CAMK4: variants seen among roughly 807,000 people sequenced by gnomAD.
CAMK4 encodes calcium/calmodulin dependent protein kinase IV.
In CAMK4, 22 loss-of-function variants were observed where a neutral mutation model predicts 44.9. The ratio of observed to expected loss-of-function variants is 0.49; its 90% confidence interval spans 0.35 to 0.70. CAMK4 has a LOEUF of 0.70. CAMK4 is among the 30% of genes least tolerant of loss of function. The probability of loss-of-function intolerance (pLI) is 0.01; values close to 1 mark genes in which losing one functional copy is unlikely to be tolerated. For missense variants in CAMK4, 498 were observed against 586.8 expected (o/e 0.85, Z 1.56); for synonymous variants, 218 against 215.4 (o/e 1.01, Z -0.11).
intron 5 of CAMK4, among the ~76,000 whole-genome samples, chr5:111,403,655 C>T (rs146873936): frequency 9.9e-4 from 150 of 151,980 alleles, no homozygotes; most frequent in African/African-American, 3.6e-3. Flanking sequence ...GACTAGGGGC[C>T]CAATCAGAGC....
rs150685951 is a variant in CAMK4 at position 111,337,281 on chromosome 5, C to A, written c.162-6743C>A. Among the ~76,000 whole-genome samples, 506 of 151,278 alleles carry A rather than the reference C, an allele frequency of 3.3e-3. 3 individuals carry two copies. Among genetic ancestry groups the A allele is most frequent in the African/African-American group, 0.012 (492 of 41,442 alleles). On this transcript the variant is annotated intron_variant, in intron 1 of 10. Transcript: ENST00000282356. Reference sequence around the variant, plus strand: ...TGAGGGATAGTGAAACTGTTTCTAGCTTTTGGTGATTACTCATAAACCTGC... The same window carrying A: ...TGAGGGATAGTGAAACTGTTTCTAGATTTTGGTGATTACTCATAAACCTGC...
At chr5:111,434,163 T>G (rs1753561141) in intron 5 of CAMK4, among the ~76,000 whole-genome samples, 2 of 151,880 alleles carry the variant, frequency 1.3e-5, no homozygotes, top group South Asian at 2.1e-4. Context: ...CATGGTGGCG[T>G]GCTCCTGTAG....
chr5:111,482,593 A>G lies in CAMK4; in HGVS notation c.829-192A>G, dbSNP rs1755470401. The G allele has an allele frequency of 2.4e-6, 1 of 421,740 alleles. No individual in the cohort carries two copies. Among genetic ancestry groups the G allele is most frequent in the Non-Finnish European group, 4.2e-6 (1 of 239,988 alleles). The allele number at this position is 421,740 out of a possible 1,614,324, so 26.1% of individuals were successfully genotyped here. A position where few individuals can be genotyped will look rare whatever the true frequency, so the allele number is the denominator to read the frequency against. ...AGGTGGTACATGGCCCTGTCTTCTC[A>G]TACTCCCTCAGCTACTGCTACCTGA... On this transcript the variant is annotated intron_variant, in intron 9 of 10. Transcript: ENST00000282356. This position sits in a 1 kb window ranked among gnomAD's most constrained non-coding sequence, Gnocchi z 4.9.
chr5:111,262,016 A>C (rs1035293910), intron 1 of CAMK4, among the ~76,000 whole-genome samples: 6 of 152,028 alleles, frequency 3.9e-5, no homozygotes, highest in African/African-American at 1.4e-4. Context: ...TTGAGGTCTT[A>C]GGTCTGCAGA....
At chr5:111,295,226 T>C (rs913473633) in intron 1 of CAMK4, among the ~76,000 whole-genome samples, 2 of 152,184 alleles carry the variant, frequency 1.3e-5, no homozygotes, top group Non-Finnish European at 2.9e-5. Context: ...TGCAGAGGAA[T>C]AAACAGTGTA....
intron 5 of CAMK4, among the ~76,000 whole-genome samples, chr5:111,398,132 C>G (rs1294070814): frequency 6.6e-6 from 1 of 152,210 alleles, no homozygotes; most frequent in Admixed American, 6.5e-5. Flanking sequence ...CCAATAGTCT[C>G]TACTTCTTAG....
chr5:111,486,868 C>G lies in CAMK4; in HGVS notation c.*2402C>G, dbSNP rs978826400. On this transcript the variant is annotated 3_prime_UTR_variant, in exon 11 of 11. Transcript: ENST00000282356. The stretch of plus-strand genomic sequence containing the variant: ...CCATAAACTACATTTTTAAAAAAAT[C>G]AATGGGAGTTTTAAATTTTGACTCA... 1 of 151,982 alleles carries G rather than the reference C, an allele frequency of 6.6e-6. No homozygotes were observed. Among genetic ancestry groups the G allele is most frequent in the African/African-American group, 2.4e-5 (1 of 41,408 alleles). 9.4% of individuals were successfully genotyped at this position (151,982 alleles called of 1,614,324 possible).
rs1421496345 is a variant in CAMK4 at position 111,489,725 on chromosome 5, CTCT to C, written c.*5263_*5265del. 1 of 152,198 alleles carries C rather than the reference CTCT, an allele frequency of 6.6e-6. No homozygotes were observed. The highest frequency in any genetic ancestry group is 2.4e-5 in the African/African-American group (1 of 41,450). The allele number at this position is 152,198 out of a possible 1,614,324, so 9.4% of individuals were successfully genotyped here. A position where few individuals can be genotyped will look rare whatever the true frequency, so the allele number is the denominator to read the frequency against. Reference sequence around the variant, plus strand: ...TCAAATGAGGCAAGTGGGAGAAAACCTCTTCTCATCCTCTGATTGAAAGTGATA... The same window carrying C: ...TCAAATGAGGCAAGTGGGAGAAAACCTCTCATCCTCTGATTGAAAGTGATA... On this transcript the variant is annotated 3_prime_UTR_variant, in exon 11 of 11. Transcript: ENST00000282356.
At chr5:111,395,530 T>C (rs183363391) in intron 5 of CAMK4, among the ~76,000 whole-genome samples, 113 of 152,196 alleles carry the variant, frequency 7.4e-4, no homozygotes, top group African/African-American at 2.6e-3. Context: ...ATTATTGACT[T>C]TTCTTTCCAG....
chr5:111,288,803 A>C (rs1580535189), intron 1 of CAMK4, among the ~76,000 whole-genome samples: 1 of 152,220 alleles, frequency 6.6e-6, no homozygotes, highest in African/African-American at 2.4e-5. Flanking sequence ...ATGGTGCATT[A>C]CTGATCAAGC....
chr5:111,418,116 C>T (rs761683773), intron 5 of CAMK4, among the ~76,000 whole-genome samples: 3 of 151,940 alleles, frequency 2.0e-5, no homozygotes, highest in African/African-American at 7.3e-5. Context: ...TTTCCTTAAG[C>T]GTTGGCCAGC....
intron 5 of CAMK4, among the ~76,000 whole-genome samples, chr5:111,436,679 C>G (rs958926830): frequency 2.0e-5 from 3 of 152,124 alleles, no homozygotes; most frequent in Non-Finnish European, 2.9e-5. Context: ...TTGAACTTGC[C>G]CACTTCTCCC....
intron 5 of CAMK4, among the ~76,000 whole-genome samples, chr5:111,444,933 C>T (rs1299688313): frequency 1.3e-5 from 2 of 152,142 alleles, no homozygotes; most frequent in Non-Finnish European, 2.9e-5. Context: ...CACTCCAGCT[C>T]AGCAAAAGTT....
intron 5 of CAMK4, among the ~76,000 whole-genome samples, chr5:111,436,547 C>G (rs1753653983): frequency 6.6e-6 from 1 of 152,146 alleles, no homozygotes; most frequent in Non-Finnish European, 1.5e-5. Flanking sequence ...TGGGCCATAC[C>G]CAAATCCTAA....
intron 2 of CAMK4, among the ~76,000 whole-genome samples, chr5:111,371,944 T>C (rs1580665705): frequency 6.6e-6 from 1 of 152,198 alleles, no homozygotes; most frequent in South Asian, 2.1e-4. Context: ...GGTACAAAAC[T>C]AGGTAGCCTG....
chr5:111,227,151 T>G (rs1748230492), intron 1 of CAMK4, among the ~76,000 whole-genome samples: 1 of 152,192 alleles, frequency 6.6e-6, no homozygotes, highest in South Asian at 2.1e-4. Context: ...TATCAGAAAT[T>G]TTTAAGTAAA....
intron 6 of CAMK4, 49 bp downstream of exon 6, chr5:111,446,825 A>AC (rs1179297722): frequency 8.8e-7 from 1 of 1,132,136 alleles, no homozygotes; most frequent in Non-Finnish European, 1.4e-6. Flanking sequence ...AGAGCAGAAA[A>AC]AATTTTACTG....
chr5:111,484,190 G>A lies in CAMK4; in HGVS notation c.1146G>A (p.Gly382=), dbSNP rs762985081. 1 of 1,614,118 alleles carries A rather than the reference G, an allele frequency of 6.2e-7. No homozygotes were observed. The highest frequency in any genetic ancestry group is 2.2e-5 in the East Asian group (1 of 44,886). ...IPEGEKIQGD[G]AQAAVKGAQA... is the part of the protein sequence containing the mutation. ...AAGGAGAGAAAATTCAAGGCGATGGGGCCCAAGCCGCAGTTAAGGGGGCAC... is the reference window on the plus strand; with the variant it reads ...AAGGAGAGAAAATTCAAGGCGATGGAGCCCAAGCCGCAGTTAAGGGGGCAC... Residue 382 remains glycine (G), a synonymous_variant, in exon 11 of 11, where the codon GGG becomes GGA. Coordinates refer to ENST00000282356, the MANE Select transcript of CAMK4 (RefSeq NM_001744.6). The surrounding 1 kb of genome is among the most constrained non-coding windows in gnomAD (Gnocchi z 5.3).
At chr5:111,400,645 T>G (rs563328344) in intron 5 of CAMK4, among the ~76,000 whole-genome samples, 2 of 152,334 alleles carry the variant, frequency 1.3e-5, no homozygotes, top group East Asian at 3.9e-4. Context: ...TTTCTGGCTT[T>G]AAATAGCTTT....
Sources: allele counts gnomAD v4.1 joint callset (sites outside exome capture counted in the v4.1 genomes callset), GRCh38; gene constraint gnomAD v4.1.1; non-coding constraint Gnocchi (gnomAD v3.1); transcripts MANE v1.5; gene names NCBI Gene and HGNC (gene_info 2026-07-23, HGNC 2026-07-21).